The following ACTRT3 variants were observed in gnomAD, a reference collection of about 807,000 sequenced individuals.
ACTRT3 encodes the protein actin related protein T3.
Under a neutral mutation model 17.6 loss-of-function variants are expected in ACTRT3, and 15 were observed. The ratio of observed to expected loss-of-function variants is 0.85; its 90% CI spans 0.57 to 1.31. ACTRT3 has a LOEUF of 1.31. ACTRT3 is among the 50% of genes most tolerant of loss of function. The probability of loss-of-function intolerance (pLI) is 0.00; values close to 1 mark genes in which losing one functional copy is unlikely to be tolerated. For missense variants in ACTRT3, 457 were observed against 466.7 expected (o/e 0.98, Z 0.19); for synonymous variants, 169 against 176.4 (o/e 0.96, Z 0.33).
In ACTRT3 at chr3:169,767,049, T is replaced by C. The variant is rs542265681; in HGVS notation, c.*383A>G. The C allele has an allele frequency of 1.6e-4, 26 of 158,412 alleles. No individual in the cohort carries two copies. Among genetic ancestry groups the C allele is most frequent in the Non-Finnish European group, 2.5e-4 (18 of 72,162 alleles). The allele number at this position is 158,412 out of a possible 1,614,324, so 9.8% of individuals were successfully genotyped here. A position where few individuals can be genotyped will look rare whatever the true frequency, so the allele number is the denominator to read the frequency against. On this transcript the variant is annotated 3_prime_UTR_variant, in exon 2 of 2. Transcript: ENST00000330368. Reference sequence around the variant, plus strand: ...CTCCATCCCAATGCCACCCCTTCCATGATGGCATACCTCTGCTATGGAGTC... The same window carrying C: ...CTCCATCCCAATGCCACCCCTTCCACGATGGCATACCTCTGCTATGGAGTC...
chr3:169,767,526 A>C lies in ACTRT3; in HGVS notation c.1025T>G (p.Ile342Ser). Residue 342 changes from isoleucine (I) to serine (S), a missense_variant, in exon 2 of 2, where the codon ATT (isoleucine) becomes AGT (serine). By Grantham distance (142) the Ile-to-Ser change is moderately radical (BLOSUM62 -2). Transcript: ENST00000330368. ...RKISVWMGGS[I>S]LASLSAFQDM... ...CTGGAAGGCAGACAAGGATGCAAGAATAGAACCTCCCATCCACACTGATAT... is the reference window on the plus strand; with the variant it reads ...CTGGAAGGCAGACAAGGATGCAAGACTAGAACCTCCCATCCACACTGATAT... 1.2e-6 allele frequency: 2 copies of C among 1,614,078 alleles called. No individual in the cohort carries two copies. Among genetic ancestry groups the C allele is most frequent in the South Asian group, 2.2e-5 (2 of 91,090 alleles).
Position 169,767,345 on chromosome 3 carries a change from T to C in ACTRT3, c.*87A>G. 7 of 1,250,884 alleles carry C rather than the reference T, an allele frequency of 5.6e-6. No individual in the cohort carries two copies. The highest frequency in any genetic ancestry group is 7.6e-6 in the Non-Finnish European group (7 of 918,130). 77.5% of individuals were successfully genotyped at this position (1,250,884 alleles called of 1,614,324 possible). A position where few individuals can be genotyped will look rare whatever the true frequency, so the allele number is the denominator to read the frequency against. On this transcript the variant is annotated 3_prime_UTR_variant, in exon 2 of 2. Coordinates refer to ENST00000330368, the MANE Select transcript of ACTRT3 (RefSeq NM_032487.5). The stretch of plus-strand genomic sequence containing the variant: ...TATTGGCATCCCAATAGGTGAAGTA[T>C]TTTCTCTTCTCCCAGAAACATATAA...
intron 1 of ACTRT3, 110 bp downstream of exon 1, chr3:169,769,211 C>A (rs1164740679): frequency 1.4e-5 from 2 of 138,526 alleles, no homozygotes; most frequent in Admixed American, 7.1e-5. Flanking sequence ...CCAGTCCCCC[C>A]ACCCCCAGCC....
chr3:169,767,790 C>G lies in ACTRT3; in HGVS notation c.761G>C (p.Cys254Ser), dbSNP rs748405832. The G allele has an allele frequency of 5.0e-6, 8 of 1,614,006 alleles. No individual in the cohort carries two copies. The highest frequency in any genetic ancestry group is 6.8e-6 in the Non-Finnish European group (8 of 1,180,032). The change falls in exon 2 of 2, where the codon TGT becomes TCT. Residue 254 changes from cysteine (C) to serine (S), a missense_variant. By Grantham distance (112) the Cys-to-Ser change is moderately radical. Transcript: ENST00000330368. ...ACACGGAGAGAAGAGGGCCTCTGGA[C>G]AAGAAAAGAGCTGGTCATGGAGCTG... ...VIQLHDQLFS[C>S]PEALFSPCHM...
At position 169,767,076 on chromosome 3, in the gene ACTRT3, C is replaced by T. The variant is rs1777996577; in HGVS notation, c.*356G>A. Reference sequence around the variant, plus strand: ...ATGGCATACCTCTGCTATGGAGTCTCGTTCCTCACCACAGCAACCTTCTTT... The same window carrying T: ...ATGGCATACCTCTGCTATGGAGTCTTGTTCCTCACCACAGCAACCTTCTTT... On this transcript the variant is annotated 3_prime_UTR_variant, in exon 2 of 2. Transcript: ENST00000330368. The T allele has an allele frequency of 6.0e-6, 1 of 165,734 alleles. No homozygotes were observed. Among genetic ancestry groups the T allele is most frequent in the African/African-American group, 2.4e-5 (1 of 41,798 alleles). The allele number at this position is 165,734 out of a possible 1,614,324, so 10.3% of individuals were successfully genotyped here.
chr3:169,769,316 G>C lies in ACTRT3; in HGVS notation c.200+5C>G. 7.3e-7 allele frequency: 1 copy of C among 1,377,778 alleles called. No homozygotes were observed. The highest frequency in any genetic ancestry group is 9.4e-7 in the Non-Finnish European group (1 of 1,063,780). 85.3% of individuals were successfully genotyped at this position (1,377,778 alleles called of 1,614,324 possible). ...CCCCAGCAGCCTGCTGGGAGAAGGA[G>C]GTACCTGATGAACAGCGAGCTCCTC... On this transcript the variant is annotated splice_donor_5th_base_variant and intron_variant, in intron 1 of 1. Coordinates refer to ENST00000330368, the MANE Select transcript of ACTRT3 (RefSeq NM_032487.5).
chr3:169,767,261 T>G lies in ACTRT3; in HGVS notation c.*171A>C, dbSNP rs1778000053. ...TTAACTTGGTTCTACTCAATAGACA[T>G]CTGTTCTTGAGCTTCACCATTATTA... On this transcript the variant is annotated 3_prime_UTR_variant, in exon 2 of 2. Transcript: ENST00000330368. 1 of 548,752 alleles carries G rather than the reference T, an allele frequency of 1.8e-6. No homozygotes were observed. Among genetic ancestry groups the G allele is most frequent in the Non-Finnish European group, 3.1e-6 (1 of 323,990 alleles). The allele number at this position is 548,752 out of a possible 1,614,324, so 34.0% of individuals were successfully genotyped here. A position where few individuals can be genotyped will look rare whatever the true frequency, so the allele number is the denominator to read the frequency against.
In ACTRT3 at chr3:169,767,358, C is replaced by A; in HGVS notation, c.*74G>T. 7.3e-7 allele frequency: 1 copy of A among 1,366,494 alleles called. No individual in the cohort carries two copies. The highest frequency in any genetic ancestry group is 1.6e-5 in the South Asian group (1 of 61,660). The allele number at this position is 1,366,494 out of a possible 1,614,324, so 84.6% of individuals were successfully genotyped here. ...ATAGGTGAAGTATTTTCTCTTCTCC[C>A]AGAAACATATAATATCCAAAGTTTT... On this transcript the variant is annotated 3_prime_UTR_variant, in exon 2 of 2. Coordinates refer to ENST00000330368, the MANE Select transcript of ACTRT3 (RefSeq NM_032487.5).
At position 169,767,694 on chromosome 3, in the gene ACTRT3, A is replaced by C. The variant is rs1560579837; in HGVS notation, c.857T>G (p.Leu286Arg). The C allele has an allele frequency of 1.9e-6, 3 of 1,613,980 alleles. No homozygotes were observed. The highest frequency in any genetic ancestry group is 4.5e-5 in the East Asian group (2 of 44,884). Residue 286 changes from leucine to arginine, a missense_variant, in exon 2 of 2, where the codon CTG becomes CGG. Physicochemically the swap from Leu to Arg is moderately radical, Grantham distance 102 (BLOSUM62 -2). Coordinates refer to ENST00000330368, the MANE Select transcript of ACTRT3 (RefSeq NM_032487.5). ...FSSIMKCDTGLRNSFFSNIIL... is the reference protein window; with the variant it reads ...FSSIMKCDTGRRNSFFSNIIL... ...AATATTGGAAAAGAAGGAATTCCTC[A>C]GGCCTGTATCACATTTCATTATGCT...
intron 1 of ACTRT3, among the ~76,000 whole-genome samples, chr3:169,768,937 G>A (rs1778031116): frequency 6.6e-6 from 1 of 152,132 alleles, no homozygotes; most frequent in African/African-American, 2.4e-5. Context: ...GTCAATTGAA[G>A]AGAATAACCC....
rs757172837 is a variant in ACTRT3 at position 169,767,785 on chromosome 3, C to A, written c.766G>T (p.Glu256Ter). 1 of 1,614,168 alleles carries A rather than the reference C, an allele frequency of 6.2e-7. No individual in the cohort carries two copies. The highest frequency in any genetic ancestry group is 8.5e-7 in the Non-Finnish European group (1 of 1,180,040). The change falls in exon 2 of 2, where the codon GAG becomes TAG. Residue 256 changes from glutamate to a stop codon, truncating the protein, a stop_gained. Transcript: ENST00000330368. LOFTEE classifies it high-confidence loss of function. ...QLHDQLFSCP[E>*]ALFSPCHMNL... ...ATATGACACGGAGAGAAGAGGGCCT[C>A]TGGACAAGAAAAGAGCTGGTCATGG...
At position 169,769,522 on chromosome 3, in the gene ACTRT3, C is replaced by A. The variant is rs1022837377; in HGVS notation, c.-2G>T. The A allele has an allele frequency of 2.5e-6, 4 of 1,608,034 alleles. No individual in the cohort carries two copies. On this transcript the variant is annotated 5_prime_UTR_variant, in exon 1 of 2. Coordinates refer to ENST00000330368, the MANE Select transcript of ACTRT3 (RefSeq NM_032487.5). ...CACCGGTAGCTGGCAGTGGTTCATG[C>A]CGCCGCTGCTGCCGCCGCCTCCTGT...
In ACTRT3 at chr3:169,767,208, T is replaced by C. The variant is rs141522960; in HGVS notation, c.*224A>G. 40 of 388,384 alleles carry C rather than the reference T, an allele frequency of 1.0e-4. No homozygotes were observed. The East Asian group carries it at 1.6e-3, about 15-fold the overall frequency. The allele number at this position is 388,384 out of a possible 1,614,324, so 24.1% of individuals were successfully genotyped here. A position where few individuals can be genotyped will look rare whatever the true frequency, so the allele number is the denominator to read the frequency against. Reference sequence around the variant, plus strand: ...ATATAAGCTCACCAACGTCAAGTTATAGAAGAAACACTATGGGAAACATTA... The same window carrying C: ...ATATAAGCTCACCAACGTCAAGTTACAGAAGAAACACTATGGGAAACATTA... On this transcript the variant is annotated 3_prime_UTR_variant, in exon 2 of 2. Coordinates refer to ENST00000330368, the MANE Select transcript of ACTRT3 (RefSeq NM_032487.5).
chr3:169,769,128 C>T (rs951705487), intron 1 of ACTRT3, among the ~76,000 whole-genome samples, 193 bp downstream of exon 1: 2 of 151,650 alleles, frequency 1.3e-5, no homozygotes, highest in African/African-American at 4.8e-5. Context: ...CTTTCCAGCT[C>T]CCGGCTTTCT....
chr3:169,769,398 C>G lies in ACTRT3; in HGVS notation c.123G>C (p.Gln41His). Residue 41 changes from glutamine to histidine, a missense_variant, in exon 1 of 2, where the codon CAG (glutamine) becomes CAC (histidine). Gln to His is a conservative substitution (Grantham distance 24). Coordinates refer to ENST00000330368, the MANE Select transcript of ACTRT3 (RefSeq NM_032487.5). ...YPNIIGRAKG[Q>H]SRAAQGGLEL... The stretch of plus-strand genomic sequence containing the variant: ...CTAGCCCGCCCTGGGCCGCGCGGCT[C>G]TGGCCCTTGGCGCGGCCGATAATGT... 3 of 1,606,734 alleles carry G rather than the reference C, an allele frequency of 1.9e-6. No homozygotes were observed. The East Asian group carries it at 6.7e-5, about 36-fold the overall frequency.
chr3:169,769,484 C>G lies in ACTRT3; in HGVS notation c.37G>C (p.Gly13Arg). 1 of 1,611,138 alleles carries G rather than the reference C, an allele frequency of 6.2e-7. No homozygotes were observed. The highest frequency in any genetic ancestry group is 1.1e-5 in the South Asian group (1 of 90,994). The stretch of plus-strand genomic sequence containing the variant: ...ACGCCCGCCTTGATCATTCCCGAGC[C>G]GTTGTCGATCACCACCGGTAGCTGG... ...HCQLPVVIDN[G>R]SGMIKAGVAG... The change falls in exon 1 of 2, where the codon GGC becomes CGC. Residue 13 changes from glycine (G) to arginine (R), a missense_variant. Coordinates refer to ENST00000330368, the MANE Select transcript of ACTRT3 (RefSeq NM_032487.5).
At position 169,769,341 on chromosome 3, in the gene ACTRT3, C is replaced by G. The variant is rs766671228; in HGVS notation, c.180G>C (p.Trp60Cys). The change falls in exon 1 of 2, where the codon TGG becomes TGC. Residue 60 changes from tryptophan to cysteine, a missense_variant. Coordinates refer to ENST00000330368, the MANE Select transcript of ACTRT3 (RefSeq NM_032487.5). The stretch of plus-strand genomic sequence containing the variant: ...GGTACCTGATGAACAGCGAGCTCCT[C>G]CAGTCCTGAGCTTGGTCGCCCACGC... The part of the protein sequence containing the change: ...ELCVGDQAQD[W>C]RSSLFISYPV... The G allele has an allele frequency of 6.7e-7, 1 of 1,499,784 alleles. No individual in the cohort carries two copies. Among genetic ancestry groups the G allele is most frequent in the African/African-American group, 2.2e-5 (1 of 44,824 alleles). 92.9% of individuals were successfully genotyped at this position (1,499,784 alleles called of 1,614,324 possible).
chr3:169,768,347 G>T lies in ACTRT3; in HGVS notation c.204C>A (p.Tyr68Ter), dbSNP rs748392096. 1.2e-6 allele frequency: 2 copies of T among 1,602,650 alleles called. No individual in the cohort carries two copies. The highest frequency in any genetic ancestry group is 1.7e-5 in the Admixed American group (1 of 59,426). ...QDWRSSLFIS[Y>*]PVERGLITSW... ...AAGTAATGAGACCACGCTCCACTGG[G>T]TAACTGTAAGGAAAGCAATAAGATC... The change falls in exon 2 of 2, where the codon TAC becomes TAA. Residue 68 changes from tyrosine (Y) to a stop codon, truncating the protein, a stop_gained. Transcript: ENST00000330368. LOFTEE classifies it high-confidence loss of function.
intron 1 of ACTRT3, among the ~76,000 whole-genome samples, 176 bp from the exon 2 acceptor site, chr3:169,768,526 A>G (rs1778023628): frequency 6.9e-6 from 1 of 145,700 alleles, no homozygotes. Context: ...TTACCTCTGC[A>G]ATTTTTTTTT....
Sources: allele counts gnomAD v4.1 joint callset (sites outside exome capture counted in the v4.1 genomes callset), GRCh38; gene constraint gnomAD v4.1.1; transcripts MANE v1.5; gene names NCBI Gene and HGNC (gene_info 2026-07-23, HGNC 2026-07-21).